Variants in KIF21A observed in about 807,000 individuals in gnomAD.
KIF21A encodes the protein kinesin-like protein KIF21A.
Under a neutral mutation model 202.9 loss-of-function variants are expected in KIF21A, and 114 were observed. The ratio of observed to expected loss-of-function variants is 0.56; its 90% CI spans 0.48 to 0.66. The LOEUF (loss-of-function observed/expected upper bound fraction) is 0.66. KIF21A is among the 30% of genes least tolerant of loss of function. The pLI is 0.00. For synonymous variants in KIF21A, 667 were observed against 670.8 expected, an observed-to-expected ratio of 0.99 and a Z score of 0.09; for missense variants, 1,677 against 1,994.9, an observed-to-expected ratio of 0.84 and a Z score of 3.04.
chr12:39,358,970 G>C (rs1326368669), intron 7 of KIF21A, among the ~76,000 whole-genome samples: 3 of 152,166 alleles, frequency 2.0e-5, no homozygotes, highest in Non-Finnish European at 4.4e-5. Context: ...CGAAGATTAG[G>C]ATAGTGAAAT....
chr12:39,349,626 C>G (rs1948201170), intron 11 of KIF21A, among the ~76,000 whole-genome samples: 1 of 152,018 alleles, frequency 6.6e-6, no homozygotes, highest in Non-Finnish European at 1.5e-5. Flanking sequence ...TAAATGAGGG[C>G]TTACCTACAT....
At chr12:39,377,167 C>T (rs929492604) in intron 1 of KIF21A, among the ~76,000 whole-genome samples, 1 of 152,084 alleles carries the variant, frequency 6.6e-6, no homozygotes, top group African/African-American at 2.4e-5. Context: ...GTAACTAGCC[C>T]ACTTGGCACT....
At chr12:39,423,591 G>A (rs2140256156) in intron 1 of KIF21A, among the ~76,000 whole-genome samples, 1 of 151,170 alleles carries the variant, frequency 6.6e-6, no homozygotes. Flanking sequence ...GGCTCACGCT[G>A]TAGTCTCAGC....
In KIF21A at chr12:39,294,359, C is replaced by T. The variant is rs888970061; in HGVS notation, c.*65G>A. 35 of 1,261,374 alleles carry T rather than the reference C, an allele frequency of 2.8e-5. No individual in the cohort carries two copies. The highest frequency in any genetic ancestry group is 3.7e-5 in the Non-Finnish European group (32 of 859,612). The allele number at this position is 1,261,374 out of a possible 1,614,324, so 78.1% of individuals were successfully genotyped here. Reference sequence around the variant, plus strand: ...GTTTTGCCTAGTAAGTACAGGACAACATTTTCCATAAAGAATACAGAGTAT... The same window carrying T: ...GTTTTGCCTAGTAAGTACAGGACAATATTTTCCATAAAGAATACAGAGTAT... On this transcript the variant is annotated 3_prime_UTR_variant, in exon 38 of 38. Transcript: ENST00000361418.
At chr12:39,377,474 A>G (rs972651828) in intron 1 of KIF21A, among the ~76,000 whole-genome samples, 2 of 152,154 alleles carry the variant, frequency 1.3e-5, no homozygotes, top group Non-Finnish European at 2.9e-5. Context: ...TTAAGGAAGC[A>G]TCTGCCCTAC....
At chr12:39,306,680 T>C (rs1429598248) in intron 34 of KIF21A, among the ~76,000 whole-genome samples, 1 of 152,184 alleles carries the variant, frequency 6.6e-6, no homozygotes, top group African/African-American at 2.4e-5. Context: ...AATCCTGTAA[T>C]AGCCTGTTTA....
intron 1 of KIF21A, among the ~76,000 whole-genome samples, chr12:39,405,926 ATG>A: frequency 6.6e-6 from 1 of 152,318 alleles, no homozygotes; most frequent in African/African-American, 2.4e-5. Flanking sequence ...CCATCATTAT[ATG>A]TGTGACTAAC....
chr12:39,403,109 A>T (rs941634205), intron 1 of KIF21A, among the ~76,000 whole-genome samples: 9 of 152,178 alleles, frequency 5.9e-5, no homozygotes, highest in Middle Eastern at 6.8e-3. Flanking sequence ...ACAAAAATAC[A>T]CATCAAAAAC....
Position 39,293,333 on chromosome 12 carries a change from C to A in KIF21A, c.*1091G>T, listed in dbSNP as rs542463546. ...TAAGACAATATTTTCAAATGTTATA[C>A]CATCTACATAAAAATTAAACTTGCA... On this transcript the variant is annotated 3_prime_UTR_variant, in exon 38 of 38. Coordinates refer to ENST00000361418, the MANE Select transcript of KIF21A (RefSeq NM_001173464.2). The A allele has an allele frequency of 7.9e-5, 12 of 152,528 alleles. No individual in the cohort carries two copies. Among genetic ancestry groups the A allele is most frequent in the African/African-American group, 2.9e-4 (12 of 41,534 alleles). 9.4% of individuals were successfully genotyped at this position (152,528 alleles called of 1,614,324 possible). A position where few individuals can be genotyped will look rare whatever the true frequency, so the allele number is the denominator to read the frequency against.
chr12:39,373,657 G>A (rs926408727), intron 1 of KIF21A, among the ~76,000 whole-genome samples: 2 of 152,110 alleles, frequency 1.3e-5, no homozygotes, highest in Admixed American at 6.6e-5. Context: ...ATAACCATAG[G>A]CTAATTTATT....
chr12:39,357,035 A>T (rs1043779358), intron 9 of KIF21A, 140 bp from the exon 10 acceptor site: 4 of 653,044 alleles, frequency 6.1e-6, no homozygotes, highest in African/African-American at 1.8e-5. Context: ...TTATTACATG[A>T]GCAGACCACA....
intron 1 of KIF21A, among the ~76,000 whole-genome samples, chr12:39,396,006 C>G (rs1018992377): frequency 6.6e-6 from 1 of 151,762 alleles, no homozygotes; most frequent in African/African-American, 2.4e-5. Flanking sequence ...TGAAACAAAC[C>G]AGGCACAGGG....
At chr12:39,320,035 T>A in intron 27 of KIF21A, 22 bp from the exon 28 acceptor site, 2 of 1,357,772 alleles carry the variant, frequency 1.5e-6, no homozygotes, top group Non-Finnish European at 2.1e-6. Flanking sequence ...GAAGATTCTT[T>A]AATTACCTAA....
chr12:39,399,375 G>A (rs528135574), intron 1 of KIF21A, among the ~76,000 whole-genome samples: 8 of 152,248 alleles, frequency 5.3e-5, no homozygotes, highest in Non-Finnish European at 7.4e-5. Flanking sequence ...ATGAGGTATG[G>A]CTGGAACCAA....
chr12:39,415,543 C>T (rs1369723204), intron 1 of KIF21A, among the ~76,000 whole-genome samples: 5 of 152,128 alleles, frequency 3.3e-5, no homozygotes, highest in African/African-American at 7.2e-5. Context: ...AGGCGTGAGC[C>T]GCCGCGCCCG....
chr12:39,373,633 T>A (rs1375950634), intron 1 of KIF21A, among the ~76,000 whole-genome samples: 1 of 152,186 alleles, frequency 6.6e-6, no homozygotes, highest in African/African-American at 2.4e-5. Flanking sequence ...GCCATTAATT[T>A]TAGGTAAATG....
chr12:39,393,107 G>A (rs1251318426), intron 1 of KIF21A, among the ~76,000 whole-genome samples: 1 of 150,512 alleles, frequency 6.6e-6, no homozygotes, highest in African/African-American at 2.5e-5. Flanking sequence ...GTCTTCTGAA[G>A]ATCCTTCAGC....
At chr12:39,381,201 A>G (rs886276201) in intron 1 of KIF21A, among the ~76,000 whole-genome samples, 2 of 151,194 alleles carry the variant, frequency 1.3e-5, no homozygotes, top group Admixed American at 1.3e-4. Flanking sequence ...TCAGCTACTC[A>G]GGAGGCTGAG....
At position 39,442,967 on chromosome 12, in the gene KIF21A, A is replaced by G. The variant is rs998747931; in HGVS notation, c.4T>C (p.Leu2=). The G allele has an allele frequency of 1.4e-5, 22 of 1,521,130 alleles. No individual in the cohort carries two copies. The Admixed American group carries it at 2.4e-4, about 17-fold the overall frequency. The allele number at this position is 1,521,130 out of a possible 1,614,324, so 94.2% of individuals were successfully genotyped here. ...ACGGAGCTCTCGTCCGGGGCGCCCA[A>G]CATGCTGGCGGCGGGCAGCGATCGA... M[L]GAPDESSVRV... Residue 2 remains leucine, a synonymous_variant, in exon 1 of 38, where the codon TTG becomes CTG. Transcript: ENST00000361418. The surrounding 1 kb of genome is among the most constrained non-coding windows in gnomAD (Gnocchi z 5.0).
Sources: allele counts gnomAD v4.1 joint callset (sites outside exome capture counted in the v4.1 genomes callset), GRCh38; gene constraint gnomAD v4.1.1; non-coding constraint Gnocchi (gnomAD v3.1); transcripts MANE v1.5; gene names NCBI Gene and HGNC (gene_info 2026-07-23, HGNC 2026-07-21).